Variants in MYO1C observed in about 807,000 individuals in gnomAD.
MYO1C encodes myosin IC.
MYO1C carries 104 observed loss-of-function variants against 150.8 expected under a neutral mutation model. The observed-to-expected ratio is 0.69, with a 90% CI of 0.59 to 0.81. MYO1C has a LOEUF of 0.81. Ranked by LOEUF, MYO1C falls within the 30% of genes least tolerant of loss-of-function variation. The pLI is 0.00. For synonymous variants in MYO1C, 663 were observed against 579.9 expected, an observed-to-expected ratio of 1.14 and a Z score of -2.06; for missense variants, 1,504 against 1,435.0, an observed-to-expected ratio of 1.05 and a Z score of -0.78.
intron 5 of MYO1C, 82 bp from the exon 6 acceptor site, chr17:1,480,967 G>A: frequency 2.0e-6 from 3 of 1,513,162 alleles, no homozygotes; most frequent in Non-Finnish European, 2.7e-6. Context: ...CTGCACTCCT[G>A]GGCTTTGGCA....
Position 1,472,204 on chromosome 17 carries a change from G to A in MYO1C, c.1822C>T (p.Leu608Phe), listed in dbSNP as rs1448306679. 1 of 1,614,156 alleles carries A rather than the reference G, an allele frequency of 6.2e-7. No homozygotes were observed. The highest frequency in any genetic ancestry group is 1.1e-5 in the South Asian group (1 of 91,086). The change falls in exon 18 of 32, where the codon CTC (leucine) becomes TTC (phenylalanine). Residue 608 changes from leucine to phenylalanine, a missense_variant. Physicochemically the swap from Leu to Phe is conservative, Grantham distance 22. Coordinates refer to ENST00000648651, the MANE Select transcript of MYO1C (RefSeq NM_001080779.2). ...TGCAGGATCTCCACCAGCTGCAGGA[G>A]GCTCATCTTGAACTGGGTGGCGACC... ...ETVATQFKMSLLQLVEILQSK... is the reference protein window; with the variant it reads ...ETVATQFKMSFLQLVEILQSK...
At chr17:1,491,491 A>G (rs1208139273) in intron 1 of MYO1C, 1 of 207,400 alleles carries the variant, frequency 4.8e-6, no homozygotes, top group Non-Finnish European at 6.5e-6. Flanking sequence ...CTTCGGCCCC[A>G]GCGATCCCCG....
chr17:1,485,012 G>T (rs1485326242), intron 1 of MYO1C: 8 of 908,880 alleles, frequency 8.8e-6, no homozygotes, highest in South Asian at 4.1e-5. Flanking sequence ...GAACGCGGGG[G>T]AGGCCCTCCC....
At chr17:1,472,465 T>C in intron 17 of MYO1C, 1 of 552,356 alleles carries the variant, frequency 1.8e-6, no homozygotes, top group Non-Finnish European at 3.3e-6. Flanking sequence ...CTAAAACTCC[T>C]GCTCAGGTCT....
Position 1,470,327 on chromosome 17 carries a change from G to A in MYO1C, c.2374C>T (p.Arg792Ter), listed in dbSNP as rs1162396107. Residue 792 changes from arginine (R) to a stop codon, truncating the protein, a stop_gained, in exon 24 of 32, where the codon CGA (arginine) becomes TGA (stop). Coordinates refer to ENST00000648651, the MANE Select transcript of MYO1C (RefSeq NM_001080779.2). LOFTEE classifies it high-confidence loss of function. Reference sequence around the variant, plus strand: ...GGGGCGTGGCGCAGGACGAAGCCTCGGATGAGCCTGGGGTGGGGGGCCAGA... The same window carrying A: ...GGGGCGTGGCGCAGGACGAAGCCTCAGATGAGCCTGGGGTGGGGGGCCAGA... ...WAAQTIRRLI[R>*]GFVLRHAPRC... The A allele has an allele frequency of 3.9e-6, 6 of 1,546,226 alleles. No individual in the cohort carries two copies. The African/African-American group carries it at 4.1e-5, about 11-fold the overall frequency.
intron 1 of MYO1C, chr17:1,485,028 T>A: frequency 9.4e-7 from 1 of 1,063,784 alleles, no homozygotes; most frequent in East Asian, 5.9e-5. Context: ...CTCCCTCGCA[T>A]GGCTGGGGCC....
chr17:1,474,939 G>T lies in MYO1C; in HGVS notation c.1668C>A (p.Thr556=). Residue 556 remains threonine (T), a splice_region_variant and synonymous_variant, in exon 15 of 32, where the codon ACC becomes ACA. Transcript: ENST00000648651. ...HYAGEVTYSV[T]GFLDKNNDLL... ...GGGACACAGCCCCAGGATCCTCACC[G>T]GTCACGCTGTAGGTCACCTCCCCCG... 1 of 1,599,214 alleles carries T rather than the reference G, an allele frequency of 6.3e-7. No homozygotes were observed. Among genetic ancestry groups the T allele is most frequent in the Non-Finnish European group, 8.5e-7 (1 of 1,172,466 alleles).
chr17:1,478,798 C>T lies in MYO1C; in HGVS notation c.1093-63G>A. On this transcript the variant is annotated intron_variant, in intron 9 of 31. Transcript: ENST00000648651. This position sits in a 1 kb window ranked among gnomAD's most constrained non-coding sequence, Gnocchi z 6.3. ...AGAGCCTGTGCATCCCACCTGCTCC[C>T]AGGCTCAGGCAGACCAGGAAGCCGC... The T allele has an allele frequency of 6.2e-7, 1 of 1,604,490 alleles. No homozygotes were observed. Among genetic ancestry groups the T allele is most frequent in the Admixed American group, 1.7e-5 (1 of 59,976 alleles).
chr17:1,465,571 C>T lies in MYO1C; in HGVS notation c.*155G>A, dbSNP rs764277066. The T allele has an allele frequency of 2.1e-4, 178 of 831,688 alleles. No homozygotes were observed. Among genetic ancestry groups the T allele is most frequent in the Non-Finnish European group, 2.6e-4 (155 of 586,400 alleles). The allele number at this position is 831,688 out of a possible 1,614,324, so 51.5% of individuals were successfully genotyped here. On this transcript the variant is annotated 3_prime_UTR_variant, in exon 32 of 32. Coordinates refer to ENST00000648651, the MANE Select transcript of MYO1C (RefSeq NM_001080779.2). ...GGGTAGCTCCTGGCCCCTGCTGCTCCCTCAAGAGAGGGATGGGCAGGAGGT... is the reference window on the plus strand; with the variant it reads ...GGGTAGCTCCTGGCCCCTGCTGCTCTCTCAAGAGAGGGATGGGCAGGAGGT...
rs747103361 is a variant in MYO1C, at chr17:1,492,460, T to C, written c.28A>G (p.Thr10Ala). ...TGAACCACGCGGATGATCTCCCCGGTGGGTACCAGCTCCACTTGCAGCGCC... is the reference window on the plus strand; with the variant it reads ...TGAACCACGCGGATGATCTCCCCGGCGGGTACCAGCTCCACTTGCAGCGCC... MALQVELVPTGEIIRVVHPH... is the reference protein window; with the variant it reads MALQVELVPAGEIIRVVHPH... Residue 10 changes from threonine (T) to alanine (A), a missense_variant, in exon 1 of 32, where the codon ACC (threonine) becomes GCC (alanine). Physicochemically the swap from Thr to Ala is moderately conservative, Grantham distance 58 (BLOSUM62 0). Coordinates refer to ENST00000648651, the MANE Select transcript of MYO1C (RefSeq NM_001080779.2). The C allele has an allele frequency of 1.7e-5, 28 of 1,607,038 alleles. No homozygotes were observed. The East Asian group carries it at 6.1e-4, about 35-fold the overall frequency.
At chr17:1,483,494 T>C in intron 3 of MYO1C, 116 bp downstream of exon 3, 1 of 751,174 alleles carries the variant, frequency 1.3e-6, no homozygotes. Flanking sequence ...GACTGTGGGA[T>C]TCCTCACAGA....
chr17:1,485,703 G>C, intron 1 of MYO1C: 1 of 1,198,406 alleles, frequency 8.3e-7, no homozygotes, highest in Admixed American at 4.2e-5. Flanking sequence ...CCGACGCCCG[G>C]TAGCGCATCC....
chr17:1,474,625 C>T lies in MYO1C; in HGVS notation c.1782G>A (p.Lys594=), dbSNP rs1377270204. 4 of 1,613,936 alleles carry T rather than the reference C, an allele frequency of 2.5e-6. No homozygotes were observed. The East Asian group carries it at 6.7e-5, about 27-fold the overall frequency. ...QCFDRSELSD[K]KRPETVATQF... ...ACCTCCTCACCGTCTCTGGCCGCTT[C>T]TTGTCACTGAGCTCGCTCCGGTCAA... is the stretch of plus-strand genomic sequence containing the variant. Residue 594 remains lysine, a synonymous_variant, in exon 17 of 32, where the codon AAG becomes AAA. Coordinates refer to ENST00000648651, the MANE Select transcript of MYO1C (RefSeq NM_001080779.2).
At chr17:1,472,280 GACCC>G in intron 17 of MYO1C, 52 bp from the exon 18 acceptor site, 1 of 1,523,900 alleles carries the variant, frequency 6.6e-7, no homozygotes, top group Non-Finnish European at 9.1e-7. Context: ...TAAAGCTGCT[GACCC>G]CAGCAGCGAG....
rs1425678302 is a variant in MYO1C at position 1,478,019 on chromosome 17, C to G, written c.1402-48G>C. 2 of 1,612,222 alleles carry G rather than the reference C, an allele frequency of 1.2e-6. No homozygotes were observed. Among genetic ancestry groups the G allele is most frequent in the South Asian group, 2.2e-5 (2 of 91,052 alleles). On this transcript the variant is annotated intron_variant, in intron 12 of 31. Coordinates refer to ENST00000648651, the MANE Select transcript of MYO1C (RefSeq NM_001080779.2). This position sits in a 1 kb window ranked among gnomAD's most constrained non-coding sequence, Gnocchi z 6.3. ...GGGATCACCGTGGGGTCCTGGCACC[C>G]TCTCCCAGGGGCCCCGATACCCAGG... is the stretch of plus-strand genomic sequence containing the variant.
At chr17:1,472,914 G>C (rs533653292) in intron 17 of MYO1C, among the ~76,000 whole-genome samples, 1 of 152,224 alleles carries the variant, frequency 6.6e-6, no homozygotes, top group African/African-American at 2.4e-5. Context: ...GAACGAGGGG[G>C]CCGGAGCCGG....
At chr17:1,484,713 G>C (rs1221256598) in intron 1 of MYO1C, 2 of 377,382 alleles carry the variant, frequency 5.3e-6, no homozygotes, top group Non-Finnish European at 1.0e-5. Context: ...TGTTGAGCTT[G>C]GACCAATCCC....
At chr17:1,489,285 T>C (rs2074703543) in intron 1 of MYO1C, among the ~76,000 whole-genome samples, 3 of 152,242 alleles carry the variant, frequency 2.0e-5, no homozygotes, top group Non-Finnish European at 2.9e-5. Flanking sequence ...TCTACCCTGA[T>C]TGCTCACAGG....
Position 1,482,497 on chromosome 17 carries a change from T to G in MYO1C, c.608A>C (p.Asp203Ala). 6.2e-7 allele frequency: 1 copy of G among 1,614,034 alleles called. No homozygotes were observed. The highest frequency in any genetic ancestry group is 8.5e-7 in the Non-Finnish European group (1 of 1,179,944). ...DNSSRFGKYM[D>A]VQFDFKGAPV... is the part of the protein sequence containing the mutation. ...TGGTACCTTGAAGTCAAACTGCACA[T>G]CCATGTACTTCCCGAACCTGCTGGA... The change falls in exon 5 of 32, where the codon GAT (aspartate) becomes GCT (alanine). Residue 203 changes from aspartate (D) to alanine (A), a missense_variant. Physicochemically the swap from Asp to Ala is moderately radical, Grantham distance 126. Transcript: ENST00000648651.
Sources: gnomAD v4.1 joint callset for allele counts (sites outside exome capture counted in the v4.1 genomes callset) on GRCh38, gnomAD v4.1.1 for gene constraint, Gnocchi (gnomAD v3.1) non-coding constraint, MANE v1.5 for transcripts, NCBI Gene and HGNC (gene_info 2026-07-23, HGNC 2026-07-21) for gene names.